The following TFAP2B variants were observed in gnomAD, a reference collection of about 807,000 sequenced individuals.
The protein encoded by TFAP2B is transcription factor AP-2-beta.
Under a neutral mutation model 44.3 loss-of-function variants are expected in TFAP2B, and 9 were observed. That is an observed-to-expected ratio of 0.20 (90% CI 0.12 to 0.35). The LOEUF (loss-of-function observed/expected upper bound fraction) is 0.35. Among genes scored for constraint, TFAP2B ranks in the 10% least tolerant of loss-of-function variants. The pLI is 1.00. For missense variants in TFAP2B, 509 were observed against 600.0 expected (o/e 0.85, Z 1.59); for synonymous variants, 270 against 263.8 (o/e 1.02, Z -0.23).
intron 6 of TFAP2B, among the ~76,000 whole-genome samples, chr6:50,840,824 G>T (rs987553163): frequency 2.6e-5 from 4 of 152,208 alleles, no homozygotes; most frequent in African/African-American, 4.8e-5. Context: ...TTTAGGTCTA[G>T]AGCTCATTTG....
chr6:50,822,254 T>A (rs1413228921), intron 1 of TFAP2B: 2 of 1,017,704 alleles, frequency 2.0e-6, no homozygotes, highest in Non-Finnish European at 2.7e-6. Flanking sequence ...TGTCTCACAC[T>A]CTCTGTCTCT....
At chr6:50,823,222 C>T (rs1225773593) in intron 1 of TFAP2B, among the ~76,000 whole-genome samples, 185 bp from the exon 2 acceptor site, 1 of 152,154 alleles carries the variant, frequency 6.6e-6, no homozygotes, top group Non-Finnish European at 1.5e-5. Flanking sequence ...TCTGAGTCAA[C>T]TTGGGGGTCT....
At chr6:50,825,295 GTT>G (rs11345533) in intron 2 of TFAP2B, among the ~76,000 whole-genome samples, 44 of 150,186 alleles carry the variant, frequency 2.9e-4, no homozygotes, top group African/African-American at 9.3e-4. Context: ...GTATTTAATA[GTT>G]TTTTTTTTAA....
intron 6 of TFAP2B, among the ~76,000 whole-genome samples, chr6:50,840,617 C>A (rs918567588): frequency 2.0e-5 from 3 of 152,136 alleles, no homozygotes; most frequent in Non-Finnish European, 4.4e-5. Flanking sequence ...CATATTTCTG[C>A]TTGGGTTTCA....
chr6:50,828,501 C>G, intron 2 of TFAP2B, 118 bp from the exon 3 acceptor site: 1 of 800,362 alleles, frequency 1.2e-6, no homozygotes, highest in Non-Finnish European at 2.1e-6. Context: ...AATAAAACAG[C>G]CCTTTGTGAA....
intron 5 of TFAP2B, among the ~76,000 whole-genome samples, chr6:50,839,100 A>G (rs1055482204): frequency 2.0e-5 from 3 of 152,160 alleles, no homozygotes; most frequent in African/African-American, 4.8e-5. Flanking sequence ...GACCACACTT[A>G]CTAGTGGTTG....
chr6:50,839,401 T>C (rs1388566492), intron 5 of TFAP2B, among the ~76,000 whole-genome samples: 2 of 152,212 alleles, frequency 1.3e-5, no homozygotes, highest in African/African-American at 4.8e-5. Context: ...TATCTGTTTT[T>C]CATGTATGGG....
chr6:50,829,106 G>C (rs764350424), intron 3 of TFAP2B, among the ~76,000 whole-genome samples: 4 of 152,088 alleles, frequency 2.6e-5, no homozygotes, highest in Admixed American at 2.6e-4. Flanking sequence ...GATTTTTTTG[G>C]TGATAATTTT....
intron 3 of TFAP2B, among the ~76,000 whole-genome samples, chr6:50,834,824 G>A (rs1445125738): frequency 1.3e-5 from 2 of 152,116 alleles, no homozygotes; most frequent in South Asian, 2.1e-4. Context: ...TTTTGGACTG[G>A]TGATCGACAA....
chr6:50,840,566 G>T (rs1378479614), intron 6 of TFAP2B, among the ~76,000 whole-genome samples: 3 of 152,182 alleles, frequency 2.0e-5, no homozygotes, highest in African/African-American at 7.2e-5. Flanking sequence ...GATCTTTTCT[G>T]AGGGAGTTCT....
intron 2 of TFAP2B, among the ~76,000 whole-genome samples, chr6:50,828,197 CTA>C (rs1770580477): frequency 6.6e-6 from 1 of 152,136 alleles, no homozygotes; most frequent in South Asian, 2.1e-4. Context: ...ATAATGTAAA[CTA>C]TTATGTATTT....
At chr6:50,822,116 C>A (rs770996235) in intron 1 of TFAP2B, 1 of 1,302,954 alleles carries the variant, frequency 7.7e-7, no homozygotes, top group East Asian at 5.6e-5. Flanking sequence ...TGAGCAGTAA[C>A]CAGGCTTTTT....
chr6:50,823,950 C>G, intron 2 of TFAP2B, 85 bp downstream of exon 2: 1 of 1,407,186 alleles, frequency 7.1e-7, no homozygotes, highest in Non-Finnish European at 9.7e-7. Flanking sequence ...GAGAGGGCAG[C>G]TCTGTCTCTT....
chr6:50,830,370 G>A (rs1206824976), intron 3 of TFAP2B: 4 of 928,500 alleles, frequency 4.3e-6, no homozygotes, highest in Admixed American at 6.2e-5. Flanking sequence ...GATGTGGGAT[G>A]CTTTGGTTTC....
In TFAP2B at chr6:50,843,550, T is replaced by TA. The variant is rs375026920; in HGVS notation, c.*167dup. 1.1e-3 allele frequency: 911 copies of TA among 815,868 alleles called. No homozygotes were observed. The highest frequency in any genetic ancestry group is 1.3e-3 in the Non-Finnish European group (698 of 541,960). 50.5% of individuals were successfully genotyped at this position (815,868 alleles called of 1,614,324 possible). A position where few individuals can be genotyped will look rare whatever the true frequency, so the allele number is the denominator to read the frequency against. ...TTTTAAAAAAAAAAGCTAAATAACT[T>TA]AAAAAAAAACTGAGGCGTACAACGG... On this transcript the variant is annotated 3_prime_UTR_variant, in exon 7 of 7. Transcript: ENST00000393655.
intron 4 of TFAP2B, among the ~76,000 whole-genome samples, chr6:50,837,443 A>C (rs920701937): frequency 6.6e-6 from 1 of 152,208 alleles, no homozygotes; most frequent in African/African-American, 2.4e-5. Flanking sequence ...CAAAAGTGTT[A>C]GTTTTACTGT....
intron 4 of TFAP2B, among the ~76,000 whole-genome samples, chr6:50,837,089 G>T (rs1762638402): frequency 6.6e-6 from 1 of 152,234 alleles, no homozygotes; most frequent in Admixed American, 6.5e-5. Flanking sequence ...AACTTTCCAA[G>T]ATGACCCCTT....
At chr6:50,826,586 C>CGCGCGCGCGCGT (rs146851603) in intron 2 of TFAP2B, among the ~76,000 whole-genome samples, 7 of 149,638 alleles carry the variant, frequency 4.7e-5, no homozygotes, top group East Asian at 4.0e-4. Context: ...CGCGCGCGCG[C>CGCGCGCGCGCGT]GTGTGTGTGT....
rs866101018 is a variant in TFAP2B at position 50,844,346 on chromosome 6, C to G, written c.*954C>G. 1 of 151,498 alleles carries G rather than the reference C, an allele frequency of 6.6e-6. No homozygotes were observed. The highest frequency in any genetic ancestry group is 1.9e-4 in the East Asian group (1 of 5,152). The allele number at this position is 151,498 out of a possible 1,614,324, so 9.4% of individuals were successfully genotyped here. A position where few individuals can be genotyped will look rare whatever the true frequency, so the allele number is the denominator to read the frequency against. ...TGAATACGTTGATTAGTATGTAATT[C>G]CTTCGGAGGGGTATGTACCATTTCA... On this transcript the variant is annotated 3_prime_UTR_variant, in exon 7 of 7. Coordinates refer to ENST00000393655, the MANE Select transcript of TFAP2B (RefSeq NM_003221.4).
Sources: allele counts gnomAD v4.1 joint callset (sites outside exome capture counted in the v4.1 genomes callset), GRCh38; gene constraint gnomAD v4.1.1; transcripts MANE v1.5; gene names NCBI Gene and HGNC (gene_info 2026-07-23, HGNC 2026-07-21).